Variants in RELN observed in about 807,000 individuals in gnomAD.
RELN encodes reelin.
Under a neutral mutation model 427.6 loss-of-function variants are expected in RELN, and 108 were observed. That is an observed-to-expected ratio of 0.25 (90% confidence interval 0.22 to 0.30). The LOEUF is 0.30. Ranked by LOEUF, RELN falls within the 10% of genes least tolerant of loss-of-function variation. RELN has a pLI of 1.00. For missense variants in RELN, 3,715 were observed against 4,302.8 expected (o/e 0.86, Z 3.82); for synonymous variants, 1,524 against 1,513.4 (o/e 1.01, Z -0.16).
chr7:103,946,932 T>G (rs1268668422), intron 1 of RELN, among the ~76,000 whole-genome samples: 8 of 152,150 alleles, frequency 5.3e-5, no homozygotes, highest in Non-Finnish European at 1.5e-5. Flanking sequence ...CCTAGACAAA[T>G]GTAAGTGGTA....
Position 103,989,405 on chromosome 7 carries a change from A to T in RELN, c.-49T>A. 2 of 1,381,512 alleles carry T rather than the reference A, an allele frequency of 1.4e-6. No homozygotes were observed. The highest frequency in any genetic ancestry group is 9.3e-7 in the Non-Finnish European group (1 of 1,077,974). The allele number at this position is 1,381,512 out of a possible 1,614,324, so 85.6% of individuals were successfully genotyped here. A position where few individuals can be genotyped will look rare whatever the true frequency, so the allele number is the denominator to read the frequency against. ...CGCGCGCCCTACGCGCCGCTCGCTC[A>T]TTCAGTTTTGGAGACGCCGGGACGG... On this transcript the variant is annotated 5_prime_UTR_variant, in exon 1 of 65. It removes an upstream start codon present in the reference 5' UTR. Coordinates refer to ENST00000428762, the MANE Select transcript of RELN (RefSeq NM_005045.4). The surrounding 1 kb of genome is among the most constrained non-coding windows in gnomAD (Gnocchi z 4.9).
rs535546163 is a variant in RELN at position 103,962,154 on chromosome 7, C to T, written c.226+26977G>A. On this transcript the variant is annotated intron_variant, in intron 1 of 64. Transcript: ENST00000428762. ...GGTTATAGAAAGCGATATTCAACAC[C>T]TGTAACAAAACACGCTTCCCTGTTC... 1.6e-3 allele frequency among the ~76,000 whole-genome samples: 250 copies of T among 152,174 alleles called. 1 individual carries two copies. Among genetic ancestry groups the T allele is most frequent in the African/African-American group, 5.5e-3 (228 of 41,516 alleles).
intron 3 of RELN, among the ~76,000 whole-genome samples, chr7:103,830,015 G>C (rs1437074180): frequency 8.4e-6 from 1 of 119,228 alleles, no homozygotes; most frequent in Admixed American, 8.5e-5. Flanking sequence ...TTAACTGCTG[G>C]GTTTCTTCCA....
chr7:103,690,888 C>T (rs1197818979), intron 10 of RELN, among the ~76,000 whole-genome samples: 2 of 152,150 alleles, frequency 1.3e-5, no homozygotes, highest in African/African-American at 4.8e-5. Flanking sequence ...CCTTTTCTTC[C>T]ACATGGGAAG....
At chr7:103,721,374 G>C (rs942699967) in intron 8 of RELN, among the ~76,000 whole-genome samples, 4 of 152,024 alleles carry the variant, frequency 2.6e-5, no homozygotes, top group Admixed American at 6.6e-5. Flanking sequence ...CTTGTGGGGA[G>C]ACCAAGGGCT....
intron 2 of RELN, among the ~76,000 whole-genome samples, chr7:103,901,446 G>A (rs768906716): frequency 2.0e-5 from 3 of 151,910 alleles, no homozygotes; most frequent in Admixed American, 6.6e-5. Context: ...ACAAAAACTT[G>A]TACACAAAGA....
chr7:103,759,219 T>G (rs559338144), intron 4 of RELN, among the ~76,000 whole-genome samples: 176 of 152,210 alleles, frequency 1.2e-3, no homozygotes, highest in African/African-American at 3.5e-3. Flanking sequence ...CTGCCTTGAA[T>G]GAACACAAGA....
chr7:103,836,554 A>G (rs1314076120), intron 2 of RELN, among the ~76,000 whole-genome samples: 3 of 152,154 alleles, frequency 2.0e-5, no homozygotes, highest in Non-Finnish European at 4.4e-5. Flanking sequence ...CCTCAGTTTC[A>G]GCACTTCTTG....
intron 1 of RELN, among the ~76,000 whole-genome samples, chr7:103,918,964 C>T (rs968469067): frequency 6.6e-6 from 1 of 151,934 alleles, no homozygotes; most frequent in South Asian, 2.1e-4. Context: ...GAAAAAAATA[C>T]TTGTTTGAAA....
At chr7:103,865,281 A>T (rs912420440) in intron 2 of RELN, among the ~76,000 whole-genome samples, 2 of 152,132 alleles carry the variant, frequency 1.3e-5, no homozygotes, top group Admixed American at 6.6e-5. Context: ...ACAATGAAGA[A>T]AATCACAGGA....
chr7:103,921,464 G>T (rs1248610733), intron 1 of RELN, among the ~76,000 whole-genome samples: 1 of 151,922 alleles, frequency 6.6e-6, no homozygotes, highest in Non-Finnish European at 1.5e-5. Flanking sequence ...TCATAGTTTT[G>T]CATTAAAATG....
intron 45 of RELN, 75 bp downstream of exon 45, chr7:103,539,003 T>C: frequency 6.5e-7 from 1 of 1,528,514 alleles, no homozygotes; most frequent in East Asian, 2.3e-5. Context: ...AGAGGCAGAG[T>C]AGTCCTATGA....
intron 46 of RELN, among the ~76,000 whole-genome samples, chr7:103,525,291 G>A (rs1430560613): frequency 6.6e-6 from 1 of 151,998 alleles, no homozygotes; most frequent in African/African-American, 2.4e-5. Context: ...TCCTCTTATA[G>A]TATTTGTCAC....
chr7:103,771,543 A>T (rs573542632), intron 4 of RELN, among the ~76,000 whole-genome samples: 1 of 152,238 alleles, frequency 6.6e-6, no homozygotes, highest in South Asian at 2.1e-4. Context: ...GCTGCTGGAG[A>T]ACTCTGCAAC....
rs751744300 is a variant in RELN at position 103,563,045 on chromosome 7, A to G, written c.5211-1092T>C. The stretch of plus-strand genomic sequence containing the variant: ...TTTTGCTCCCCTCTTCTCCTGGATA[A>G]GCCCTACTCAGAGTCAGCTGAGACA... On this transcript the variant is annotated intron_variant, in intron 34 of 64. Transcript: ENST00000428762. This position sits in a 1 kb window ranked among gnomAD's most constrained non-coding sequence, Gnocchi z 4.1. 1.3e-5 allele frequency among the ~76,000 whole-genome samples: 2 copies of G among 152,148 alleles called. No homozygotes were observed. The highest frequency in any genetic ancestry group is 4.8e-5 in the African/African-American group (2 of 41,430).
chr7:103,984,491 T>C (rs1797057438), intron 1 of RELN, among the ~76,000 whole-genome samples: 1 of 152,186 alleles, frequency 6.6e-6, no homozygotes, highest in South Asian at 2.1e-4. Flanking sequence ...AAATGAAATA[T>C]TTTGAACTAT....
chr7:103,755,570 C>T (rs11973221), intron 4 of RELN, among the ~76,000 whole-genome samples: 43,930 of 147,444 alleles, frequency 0.3, 7,858 homozygotes, highest in African/African-American at 0.51. Context: ...ATCGCGCCAC[C>T]GCACTCCAGC....
At chr7:103,909,733 TAATA>T (rs1563084903) in intron 2 of RELN, among the ~76,000 whole-genome samples, 1 of 29,202 alleles carries the variant, frequency 3.4e-5, no homozygotes, top group African/African-American at 1.5e-4. Flanking sequence ...ATATATTTTT[TAATA>T]TATATAAATA....
At chr7:103,823,294 T>G (rs1445383875) in intron 3 of RELN, among the ~76,000 whole-genome samples, 1 of 152,084 alleles carries the variant, frequency 6.6e-6, no homozygotes, top group Admixed American at 6.6e-5. Context: ...AAAGTCACAG[T>G]GTTTCGCCTG....
Sources: allele counts gnomAD v4.1 joint callset (sites outside exome capture counted in the v4.1 genomes callset), GRCh38; gene constraint gnomAD v4.1.1; non-coding constraint Gnocchi (gnomAD v3.1); transcripts MANE v1.5; gene names NCBI Gene and HGNC (gene_info 2026-07-23, HGNC 2026-07-21).